Variants in HIVEP3 observed in about 807,000 individuals in gnomAD.
HIVEP3 encodes the protein HIVEP zinc finger 3.
In HIVEP3, 49 loss-of-function variants were observed where a neutral mutation model predicts 152.8. That is an observed-to-expected ratio of 0.32 (90% confidence interval 0.26 to 0.41). HIVEP3 has a LOEUF of 0.41. Among genes scored for constraint, HIVEP3 ranks in the 10% least tolerant of loss-of-function variants. HIVEP3 has a pLI of 1.00. For missense variants in HIVEP3, 2,790 were observed against 3,103.3 expected (o/e 0.90, Z 2.40); for synonymous variants, 1,269 against 1,289.0 (o/e 0.98, Z 0.33).
At chr1:41,990,419 G>A (rs1235434714) in intron 1 of HIVEP3, among the ~76,000 whole-genome samples, 1 of 151,108 alleles carries the variant, frequency 6.6e-6, no homozygotes, top group African/African-American at 2.4e-5. Flanking sequence ...ATTACATAAT[G>A]GTAAAGGGAT....
At chr1:41,727,991 T>G (rs960699642) in intron 1 of HIVEP3, among the ~76,000 whole-genome samples, 1 of 152,218 alleles carries the variant, frequency 6.6e-6, no homozygotes, top group Non-Finnish European at 1.5e-5. Flanking sequence ...GGGTGCACCT[T>G]CAGGATACCT....
chr1:41,884,475 C>T (rs1273847779), intron 1 of HIVEP3, among the ~76,000 whole-genome samples: 6 of 152,176 alleles, frequency 3.9e-5, no homozygotes, highest in African/African-American at 1.4e-4. Flanking sequence ...GCAAGTGCGG[C>T]TGATGCAGAA....
chr1:42,022,305 C>T (rs1323674009), intron 1 of HIVEP3, among the ~76,000 whole-genome samples: 1 of 152,128 alleles, frequency 6.6e-6, no homozygotes, highest in Admixed American at 6.5e-5. Context: ...TTCCCCAAAG[C>T]ACCTTAAATT....
intron 2 of HIVEP3, among the ~76,000 whole-genome samples, chr1:41,681,230 A>T (rs1646033912): frequency 6.6e-6 from 1 of 152,058 alleles, no homozygotes; most frequent in African/African-American, 2.4e-5. Flanking sequence ...AGTAGCTGGG[A>T]CTACAGGTGT....
intron 1 of HIVEP3, among the ~76,000 whole-genome samples, chr1:41,895,040 G>A (rs369636505): frequency 1.5e-4 from 22 of 151,292 alleles, no homozygotes; most frequent in Non-Finnish European, 2.6e-4. Flanking sequence ...TAGTATGGTC[G>A]CGTCTGTAAG....
At chr1:41,521,613 T>A (rs186808304) in intron 6 of HIVEP3, among the ~76,000 whole-genome samples, 37 of 152,326 alleles carry the variant, frequency 2.4e-4, no homozygotes, top group Admixed American at 2.4e-3. Context: ...GGCCTCAGCT[T>A]GTCAGGCAGA....
At chr1:41,517,909 T>TAGGA (rs1642654216) in intron 7 of HIVEP3, among the ~76,000 whole-genome samples, 1 of 152,206 alleles carries the variant, frequency 6.6e-6, no homozygotes, top group African/African-American at 2.4e-5. Flanking sequence ...AAAAGGCCCA[T>TAGGA]GTGTCAGGCC....
intron 3 of HIVEP3, among the ~76,000 whole-genome samples, chr1:41,597,651 G>A (rs1462557602): frequency 6.6e-6 from 1 of 152,168 alleles, no homozygotes; most frequent in Non-Finnish European, 1.5e-5. Flanking sequence ...TGACCCTCAA[G>A]GCAGCCAGGC....
rs183080927 is a variant in HIVEP3 at position 41,830,046 on chromosome 1, G to A, written c.-801+88367C>T. 1.5e-3 allele frequency among the ~76,000 whole-genome samples: 231 copies of A among 152,308 alleles called. 1 individual carries two copies. The highest frequency in any genetic ancestry group is 5.2e-3 in the African/African-American group (215 of 41,574). On this transcript the variant is annotated intron_variant, in intron 1 of 8. Coordinates refer to ENST00000372583, the MANE Select transcript of HIVEP3 (RefSeq NM_024503.5). ...ATTGAATGAAGGTGAACATATTCAG[G>A]TGTGATGCACTTCATGTCAAGGTCT...
chr1:41,787,825 GC>G (rs1031242921), intron 1 of HIVEP3, among the ~76,000 whole-genome samples: 4 of 151,914 alleles, frequency 2.6e-5, no homozygotes, highest in African/African-American at 9.7e-5. Flanking sequence ...GTAAGCCTCT[GC>G]CCCCAGCCTA....
Position 41,540,305 on chromosome 1 carries a change from C to G in HIVEP3, c.5208-15395G>C, listed in dbSNP as rs141004065. Among the ~76,000 whole-genome samples, 775 of 152,330 alleles carry G rather than the reference C, an allele frequency of 5.1e-3. 3 individuals carry two copies. The highest frequency in any genetic ancestry group is 0.018 in the African/African-American group (743 of 41,558). On this transcript the variant is annotated intron_variant, in intron 5 of 8. Coordinates refer to ENST00000372583, the MANE Select transcript of HIVEP3 (RefSeq NM_024503.5). ...ACATTAGGTAAGAAAAGGCTGTGAA[C>G]AGTTTTAAATCCTGCAATGAGCTCA...
intron 1 of HIVEP3, among the ~76,000 whole-genome samples, chr1:41,934,542 A>G (rs1039627091): frequency 6.6e-6 from 1 of 152,130 alleles, no homozygotes; most frequent in African/African-American, 2.4e-5. Context: ...AGAAGAAACT[A>G]GAAGTCTACC....
rs756089078 is a variant in HIVEP3 at position 41,584,583 on chromosome 1, T to C, written c.215A>G (p.Glu72Gly). 6.2e-7 allele frequency: 1 copy of C among 1,613,958 alleles called. No homozygotes were observed. The highest frequency in any genetic ancestry group is 8.5e-7 in the Non-Finnish European group (1 of 1,179,938). ...PSSVLREGSQEKTGQQQKPPK... is the reference protein window; with the variant it reads ...PSSVLREGSQGKTGQQQKPPK... ...GGGCTTCTGCTGCTGGCCCGTTTTC[T>C]CCTGAGAGCCTTCCCTAAGAACTGA... is the stretch of plus-strand genomic sequence containing the variant. The change falls in exon 4 of 9, where the codon GAG (glutamate) becomes GGG (glycine). Residue 72 changes from glutamate (E) to glycine (G), a missense_variant. Coordinates refer to ENST00000372583, the MANE Select transcript of HIVEP3 (RefSeq NM_024503.5). The surrounding 1 kb of genome is among the most constrained non-coding windows in gnomAD (Gnocchi z 5.2).
At chr1:41,619,824 T>G (rs1192004021) in intron 3 of HIVEP3, among the ~76,000 whole-genome samples, 3 of 152,144 alleles carry the variant, frequency 2.0e-5, no homozygotes, top group African/African-American at 7.2e-5. Flanking sequence ...CCAGCCCCGG[T>G]AGAGCAGCTC....
upstream of HIVEP3, among the ~76,000 whole-genome samples, chr1:41,923,650 G>A (rs79439314): frequency 8.6e-5 from 13 of 152,004 alleles, no homozygotes; most frequent in South Asian, 6.2e-4. Flanking sequence ...GATTTTAAAC[G>A]TTCTCACCAC....
At chr1:42,002,972 A>G (rs779103427) in intron 1 of HIVEP3, among the ~76,000 whole-genome samples, 4 of 152,200 alleles carry the variant, frequency 2.6e-5, no homozygotes, top group Non-Finnish European at 5.9e-5. Flanking sequence ...TATTAGCATC[A>G]TTCAGTATTA....
chr1:41,515,640 G>A (rs1458530091), intron 7 of HIVEP3, among the ~76,000 whole-genome samples: 4 of 152,176 alleles, frequency 2.6e-5, no homozygotes, highest in South Asian at 2.1e-4. Flanking sequence ...GCATTATTAC[G>A]CTGACAGTTT....
upstream of HIVEP3, among the ~76,000 whole-genome samples, chr1:41,922,505 C>A (rs1328072476): frequency 6.6e-6 from 1 of 151,734 alleles, no homozygotes; most frequent in Non-Finnish European, 1.5e-5. Flanking sequence ...AGCTGAGGAA[C>A]AAATAAGGCA....
chr1:41,770,910 G>A (rs929951205), intron 1 of HIVEP3, among the ~76,000 whole-genome samples: 4 of 152,266 alleles, frequency 2.6e-5, no homozygotes, highest in Admixed American at 6.5e-5. Context: ...AGGGGAGACA[G>A]GGTGAAAGGT....
Sources: allele counts gnomAD v4.1 joint callset (sites outside exome capture counted in the v4.1 genomes callset), GRCh38; gene constraint gnomAD v4.1.1; non-coding constraint Gnocchi (gnomAD v3.1); transcripts MANE v1.5; gene names NCBI Gene and HGNC (gene_info 2026-07-23, HGNC 2026-07-21).